Variants in TNIK observed in about 807,000 individuals in gnomAD.
The protein encoded by TNIK is TRAF2 and NCK-interacting protein kinase.
A neutral mutation model predicts 191.3 loss-of-function variants in TNIK; 49 were observed. The observed-to-expected ratio is 0.26, with a 90% confidence interval of 0.20 to 0.32. TNIK has a LOEUF of 0.32. Ranked by LOEUF, TNIK falls within the 10% of genes least tolerant of loss-of-function variation. TNIK has a pLI of 1.00. For missense variants in TNIK, 1,155 were observed against 1,702.3 expected (o/e 0.68, Z 5.66); for synonymous variants, 594 against 600.9 (o/e 0.99, Z 0.17).
chr3:171,103,854 TTCTAAAAAATCAAAA>T (rs1724068735), intron 21 of TNIK, among the ~76,000 whole-genome samples: 1 of 152,106 alleles, frequency 6.6e-6, no homozygotes, highest in South Asian at 2.1e-4. Flanking sequence ...ACAAAAGAAA[TTCTAAAAAATCAAAA>T]TTATTTTAGA....
chr3:171,355,446 AT>A (rs34232781), intron 2 of TNIK, among the ~76,000 whole-genome samples: 39,077 of 152,150 alleles, frequency 0.26, 5,726 homozygotes, highest in Admixed American at 0.36. Context: ...CAAAACATTC[AT>A]TTTCTCCAGC....
chr3:171,414,551 T>C (rs1037144231), intron 1 of TNIK, among the ~76,000 whole-genome samples: 2 of 152,224 alleles, frequency 1.3e-5, no homozygotes, highest in Non-Finnish European at 2.9e-5. Flanking sequence ...CCCAATCAGA[T>C]AACCAGGGGG....
At chr3:171,423,838 T>C (rs1006776568) in intron 1 of TNIK, among the ~76,000 whole-genome samples, 1 of 152,182 alleles carries the variant, frequency 6.6e-6, no homozygotes, top group Non-Finnish European at 1.5e-5. Flanking sequence ...TAATTCAAGA[T>C]GGATTAAAGA....
intron 10 of TNIK, 31 bp from the exon 11 acceptor site, chr3:171,161,367 A>T (rs1733964157): frequency 6.2e-7 from 1 of 1,603,122 alleles, no homozygotes; most frequent in African/African-American, 1.3e-5. Flanking sequence ...GTTAGTGCAC[A>T]AAAAGATGCT....
chr3:171,172,403 T>A (rs1376794652), intron 9 of TNIK, among the ~76,000 whole-genome samples: 1 of 152,196 alleles, frequency 6.6e-6, no homozygotes, highest in Non-Finnish European at 1.5e-5. Flanking sequence ...AGTCTTTTCC[T>A]CTTAAATAAT....
At chr3:171,324,050 A>T (rs541717301) in intron 2 of TNIK, among the ~76,000 whole-genome samples, 2 of 152,196 alleles carry the variant, frequency 1.3e-5, no homozygotes, top group South Asian at 4.1e-4. Context: ...AAACAAAACG[A>T]AAACACCCTG....
intron 2 of TNIK, among the ~76,000 whole-genome samples, chr3:171,305,110 G>A (rs557522651): frequency 6.7e-6 from 1 of 148,622 alleles, no homozygotes; most frequent in East Asian, 2.0e-4. Flanking sequence ...AGTGAGAAGG[G>A]TGCCTGAAAA....
At chr3:171,382,348 G>A (rs1425468271) in intron 1 of TNIK, among the ~76,000 whole-genome samples, 1 of 150,966 alleles carries the variant, frequency 6.6e-6, no homozygotes, top group Non-Finnish European at 1.5e-5. Context: ...AGCCTCTGAA[G>A]TAGTTAAGAT....
intron 22 of TNIK, among the ~76,000 whole-genome samples, chr3:171,095,276 A>C (rs565021434): frequency 6.6e-6 from 1 of 152,116 alleles, no homozygotes. Context: ...AGTGAGCTTC[A>C]CTCTATCAGG....
At chr3:171,133,100 C>T (rs1236791942) in intron 15 of TNIK, among the ~76,000 whole-genome samples, 1 of 152,144 alleles carries the variant, frequency 6.6e-6, no homozygotes, top group African/African-American at 2.4e-5. Context: ...GCCCCTGCTC[C>T]GGGTCACCTC....
At chr3:171,066,371 G>A (rs770025157) in intron 31 of TNIK, 45 bp from the exon 32 acceptor site, 9 of 1,608,440 alleles carry the variant, frequency 5.6e-6, no homozygotes, top group South Asian at 2.2e-5. Flanking sequence ...CATTAGATGG[G>A]CAATAACTCA....
intron 2 of TNIK, among the ~76,000 whole-genome samples, chr3:171,283,206 T>C (rs1316052584): frequency 1.3e-5 from 2 of 149,906 alleles, no homozygotes; most frequent in East Asian, 3.9e-4. Flanking sequence ...ACTGACCAAA[T>C]ACTCCTTGGA....
At chr3:171,261,687 C>T (rs900447654) in intron 2 of TNIK, among the ~76,000 whole-genome samples, 1 of 152,204 alleles carries the variant, frequency 6.6e-6, no homozygotes, top group Non-Finnish European at 1.5e-5. Flanking sequence ...ATTCATTCAA[C>T]AACTGAGCAC....
intron 1 of TNIK, among the ~76,000 whole-genome samples, chr3:171,449,675 CTTTTTA>C (rs1727939620): frequency 6.6e-6 from 1 of 152,162 alleles, no homozygotes; most frequent in African/African-American, 2.4e-5. Context: ...TTTGAGAATT[CTTTTTA>C]TTTTTTCTCC....
In TNIK at chr3:171,442,255, A is replaced by G. The variant is rs935055485; in HGVS notation, c.57+17752T>C. 3.9e-5 allele frequency among the ~76,000 whole-genome samples: 6 copies of G among 152,346 alleles called. No individual in the cohort carries two copies. The East Asian group carries it at 9.6e-4, about 24-fold the overall frequency. ...TTTTTTTAAATCTGATGCAACTTGCATTGTATCAAGTGATGAGATACAAGA... is the reference window on the plus strand; with the variant it reads ...TTTTTTTAAATCTGATGCAACTTGCGTTGTATCAAGTGATGAGATACAAGA... On this transcript the variant is annotated intron_variant, in intron 1 of 32. Coordinates refer to ENST00000436636, the MANE Select transcript of TNIK (RefSeq NM_015028.4).
chr3:171,161,946 ATTTG>A (rs1359034919), intron 10 of TNIK, among the ~76,000 whole-genome samples: 3 of 152,108 alleles, frequency 2.0e-5, no homozygotes, highest in African/African-American at 7.2e-5. Context: ...AATAATAATA[ATTTG>A]TTTGTGTTAT....
chr3:171,434,935 A>AC (rs943408077), intron 1 of TNIK, among the ~76,000 whole-genome samples: 1 of 152,348 alleles, frequency 6.6e-6, no homozygotes, highest in Non-Finnish European at 1.5e-5. Context: ...AGTAAAAAAA[A>AC]ACACACAACT....
At chr3:171,122,383 A>T (rs1198483460) in intron 18 of TNIK, among the ~76,000 whole-genome samples, 3 of 152,184 alleles carry the variant, frequency 2.0e-5, no homozygotes, top group Non-Finnish European at 4.4e-5. Flanking sequence ...GCCTGGTCAC[A>T]GTGGCTCTAG....
chr3:171,367,187 T>C (rs779237439), intron 2 of TNIK, among the ~76,000 whole-genome samples: 3 of 152,234 alleles, frequency 2.0e-5, no homozygotes, highest in Non-Finnish European at 4.4e-5. Flanking sequence ...TTTAGAAACA[T>C]ACATATTCCA....
Sources: gnomAD v4.1 joint callset for allele counts (sites outside exome capture counted in the v4.1 genomes callset) on GRCh38, gnomAD v4.1.1 for gene constraint, MANE v1.5 for transcripts, NCBI Gene and HGNC (gene_info 2026-07-23, HGNC 2026-07-21) for gene names.